The following NBAS variants were observed in gnomAD, a reference collection of about 807,000 sequenced individuals.
The protein encoded by NBAS is NBAS subunit of NRZ tethering complex.
NBAS carries 219 observed loss-of-function variants against 302.5 expected under a neutral mutation model. The ratio of observed to expected loss-of-function variants is 0.72; its 90% CI spans 0.65 to 0.81. The LOEUF is 0.81. Ranked by LOEUF, NBAS falls within the 30% of genes least tolerant of loss-of-function variation. The pLI, the probability that NBAS is intolerant of heterozygous loss-of-function variation, is 0.00. For synonymous variants in NBAS, 1,118 were observed against 1,021.6 expected (o/e 1.09, Z -1.80); for missense variants, 2,932 against 2,841.6 (o/e 1.03, Z -0.72).
the NBAS span, among the ~76,000 whole-genome samples, chr2:15,046,196 G>T: frequency 6.6e-6 from 1 of 152,188 alleles, no homozygotes; most frequent in Admixed American, 6.5e-5. Context: ...AAAGGTGGCA[G>T]TAATACTCCT....
intron 6 of NBAS, among the ~76,000 whole-genome samples, chr2:15,542,110 A>G (rs1285515402): frequency 1.2e-5 from 1 of 82,532 alleles, no homozygotes; most frequent in African/African-American, 4.4e-5. Flanking sequence ...CCTGGCCACC[A>G]CCCCGTCTGG....
chr2:15,063,885 C>T, the NBAS span, among the ~76,000 whole-genome samples: 10 of 152,266 alleles, frequency 6.6e-5, no homozygotes, highest in East Asian at 1.9e-3. Flanking sequence ...GCCACTCAGT[C>T]TGTGATGTTT....
intron 14 of NBAS, among the ~76,000 whole-genome samples, chr2:15,475,445 A>G (rs1015322336): frequency 9.2e-5 from 14 of 152,308 alleles, no homozygotes; most frequent in African/African-American, 3.4e-4. Context: ...AAAAAAATAT[A>G]TCATTTCAGT....
the NBAS span, among the ~76,000 whole-genome samples, chr2:15,137,584 A>C: frequency 6.6e-6 from 1 of 152,212 alleles, no homozygotes; most frequent in African/African-American, 2.4e-5. Context: ...ATCTGCATTC[A>C]AGTTAATGGT....
chr2:15,072,570 A>G, the NBAS span, among the ~76,000 whole-genome samples: 32 of 152,318 alleles, frequency 2.1e-4, no homozygotes, highest in African/African-American at 6.3e-4. Context: ...TCCTTAAATC[A>G]TCAGGCATTT....
intron 6 of NBAS, among the ~76,000 whole-genome samples, chr2:15,544,519 A>C (rs1158086007): frequency 6.6e-6 from 1 of 152,212 alleles, no homozygotes; most frequent in African/African-American, 2.4e-5. Context: ...GAAATCTACA[A>C]AACTGCTTAT....
the NBAS span, among the ~76,000 whole-genome samples, chr2:14,807,454 AGTGTGTGT>A: frequency 3.8e-3 from 556 of 147,072 alleles, 2 homozygotes; most frequent in African/African-American, 0.011. Context: ...TGTGTGTGTG[AGTGTGTGT>A]GTGTGTGTGT....
intron 28 of NBAS, among the ~76,000 whole-genome samples, chr2:15,391,916 T>C (rs1340740466): frequency 6.7e-6 from 1 of 148,738 alleles, no homozygotes; most frequent in Non-Finnish European, 1.5e-5. Flanking sequence ...GAAGTGAATA[T>C]ATCCTTATAT....
chr2:14,976,587 TGGTC>T, the NBAS span, among the ~76,000 whole-genome samples: 1 of 152,234 alleles, frequency 6.6e-6, no homozygotes, highest in East Asian at 1.9e-4. Flanking sequence ...AGTTGAAAAG[TGGTC>T]GTTCCAAAAA....
the NBAS span, among the ~76,000 whole-genome samples, chr2:15,107,418 T>C: frequency 1.7e-4 from 26 of 152,230 alleles, no homozygotes; most frequent in African/African-American, 6.3e-4. Context: ...GTCTGTGGTA[T>C]TTTTGCTAGG....
At chr2:15,362,812 A>G (rs1367574700) in intron 32 of NBAS, among the ~76,000 whole-genome samples, 1 of 152,220 alleles carries the variant, frequency 6.6e-6, no homozygotes, top group Non-Finnish European at 1.5e-5. Flanking sequence ...TTTTGCAGAT[A>G]TAATTAAATA....
chr2:15,137,775 G>C, the NBAS span, among the ~76,000 whole-genome samples: 1 of 152,108 alleles, frequency 6.6e-6, no homozygotes, highest in Non-Finnish European at 1.5e-5. Flanking sequence ...AGGGGGGTTG[G>C]AGTTTTTGTT....
chr2:15,386,337 T>C (rs999640014), intron 28 of NBAS, among the ~76,000 whole-genome samples: 18 of 152,202 alleles, frequency 1.2e-4, no homozygotes, highest in Admixed American at 1.0e-3. Context: ...TAGGAAGGAA[T>C]ATACAATAGT....
chr2:15,206,471 A>G (rs1237677504), intron 48 of NBAS, among the ~76,000 whole-genome samples: 2 of 152,222 alleles, frequency 1.3e-5, no homozygotes, highest in Admixed American at 1.3e-4. Context: ...CCAGCTGCAG[A>G]AACTTGCATA....
At chr2:15,042,912 T>C in the NBAS span, among the ~76,000 whole-genome samples, 1 of 152,226 alleles carries the variant, frequency 6.6e-6, no homozygotes, top group East Asian at 1.9e-4. Flanking sequence ...TGACTTTGCA[T>C]GGTTCCTGAT....
chr2:15,532,561 G>A (rs1329210958), intron 9 of NBAS, among the ~76,000 whole-genome samples: 2 of 150,422 alleles, frequency 1.3e-5, no homozygotes, highest in Non-Finnish European at 3.0e-5. Context: ...AGAACAAAGT[G>A]AAAATTCTTT....
intron 9 of NBAS, among the ~76,000 whole-genome samples, chr2:15,528,173 T>C (rs1663012556): frequency 6.6e-6 from 1 of 151,784 alleles, no homozygotes; most frequent in Non-Finnish European, 1.5e-5. Flanking sequence ...TCACTTTATC[T>C]AGAATGTCCA....
the NBAS span, among the ~76,000 whole-genome samples, chr2:14,879,097 T>C: frequency 2.6e-5 from 4 of 152,228 alleles, no homozygotes; most frequent in Non-Finnish European, 4.4e-5. Context: ...CTTAGTAATA[T>C]GCATTTAAGT....
chr2:14,934,149 G>A, the NBAS span, among the ~76,000 whole-genome samples: 1 of 152,112 alleles, frequency 6.6e-6, no homozygotes, highest in Admixed American at 6.6e-5. Context: ...TAATGTTTAT[G>A]TTATCAGGGG....
Sources: gnomAD v4.1 joint callset for allele counts (sites outside exome capture counted in the v4.1 genomes callset) on GRCh38, gnomAD v4.1.1 for gene constraint, MANE v1.5 for transcripts, NCBI Gene and HGNC (gene_info 2026-07-23, HGNC 2026-07-21) for gene names.